The following PTCHD4 variants were observed in gnomAD, a reference collection of about 807,000 sequenced individuals.
PTCHD4 encodes the protein patched domain containing 4, also known as patched domain-containing protein 4.
In PTCHD4, 33 loss-of-function variants were observed where a neutral mutation model predicts 58.1. The ratio of observed to expected loss-of-function variants is 0.57; its 90% CI spans 0.43 to 0.76. The LOEUF is 0.76. Ranked by LOEUF, PTCHD4 falls within the 30% of genes least tolerant of loss-of-function variation. PTCHD4 has a pLI of 0.00. For missense variants in PTCHD4, 1,058 were observed against 1,027.1 expected, an observed-to-expected ratio of 1.03 and a Z score of -0.41; for synonymous variants, 478 against 409.6, an observed-to-expected ratio of 1.17 and a Z score of -2.02.
intron 4 of PTCHD4, among the ~76,000 whole-genome samples, chr6:47,891,382 A>G (rs529237021): frequency 1.3e-5 from 2 of 152,082 alleles, no homozygotes; most frequent in Non-Finnish European, 2.9e-5. Flanking sequence ...ACAGCATCAG[A>G]CAAGGCCATT....
rs572193543 is a variant in PTCHD4 at position 47,893,020 on chromosome 6, TA to T, written c.899-13085del. ...TGATTAACTTTATTAGAGATCTTTT[TA>T]TTTTTTTTGAGATGGACTCTCGCTC... On this transcript the variant is annotated intron_variant, in intron 4 of 4. Transcript: ENST00000339488. Among the ~76,000 whole-genome samples the T allele has an allele frequency of 9.1e-4, 138 of 152,358 alleles. 2 individuals carry two copies. The highest frequency in any genetic ancestry group is 6.8e-3 in the Middle Eastern group (2 of 294).
chr6:47,995,145 T>C (rs1157199502), intron 4 of PTCHD4, among the ~76,000 whole-genome samples: 2 of 152,162 alleles, frequency 1.3e-5, no homozygotes, highest in Admixed American at 6.5e-5. Flanking sequence ...AAAGAATGTG[T>C]GGTAGTCCCA....
rs944870771 is a variant in PTCHD4, at chr6:47,873,846, C to CT, written c.*4456dup. ...TTTGGTAATTGAGAAAAAGCTAAAA[C>CT]TTTTTTTGTTTGTTTTTTGTTTGTA... On this transcript the variant is annotated 3_prime_UTR_variant, in exon 5 of 5. Coordinates refer to ENST00000339488, the MANE Select transcript of PTCHD4 (RefSeq NM_001384253.1). Among the ~76,000 whole-genome samples, 6 of 151,738 alleles carry CT rather than the reference C, an allele frequency of 4.0e-5. No individual in the cohort carries two copies. The highest frequency in any genetic ancestry group is 7.4e-5 in the Non-Finnish European group (5 of 67,746).
At chr6:47,960,963 A>T (rs12216453) in intron 4 of PTCHD4, among the ~76,000 whole-genome samples, 6,146 of 130,680 alleles carry the variant, frequency 0.047, 113 homozygotes, top group African/African-American at 0.072. Context: ...TTTTTTTTTT[A>T]AAAAAAAAAA....
rs1763669332 is a variant in PTCHD4, at chr6:47,869,829, G to A, written c.*8474C>T. On this transcript the variant is annotated 3_prime_UTR_variant, in exon 5 of 5. Coordinates refer to ENST00000339488, the MANE Select transcript of PTCHD4 (RefSeq NM_001384253.1). ...GTGATGTTATAAGATGTTTTGTTTA[G>A]GAAGTTTAATTCTTAGCCTAGAATT... Among the ~76,000 whole-genome samples the A allele has an allele frequency of 6.6e-6, 1 of 151,616 alleles. No homozygotes were observed. Among genetic ancestry groups the A allele is most frequent in the Non-Finnish European group, 1.5e-5 (1 of 67,760 alleles).
At chr6:47,991,857 T>C (rs1283050982) in intron 4 of PTCHD4, among the ~76,000 whole-genome samples, 3 of 152,044 alleles carry the variant, frequency 2.0e-5, no homozygotes, top group African/African-American at 7.2e-5. Context: ...AAATGAGTGA[T>C]GAATTATATT....
chr6:48,040,050 G>A (rs896122043), intron 3 of PTCHD4, among the ~76,000 whole-genome samples: 1 of 152,034 alleles, frequency 6.6e-6, no homozygotes, highest in African/African-American at 2.4e-5. Context: ...CCGATTAGTG[G>A]ATGTCACTTT....
At chr6:47,928,462 G>T (rs911281527) in intron 4 of PTCHD4, among the ~76,000 whole-genome samples, 16 of 152,164 alleles carry the variant, frequency 1.1e-4, no homozygotes, top group Non-Finnish European at 2.2e-4. Flanking sequence ...GAAATAAAAT[G>T]ACTGAAGTTA....
intron 4 of PTCHD4, among the ~76,000 whole-genome samples, chr6:48,000,615 G>T (rs2114060048): frequency 6.6e-6 from 1 of 152,250 alleles, no homozygotes; most frequent in African/African-American, 2.4e-5. Context: ...GTTCTCAGCT[G>T]ATGACTGGCT....
chr6:48,040,403 A>G lies in PTCHD4; in HGVS notation c.417+27827T>C, dbSNP rs1475901992. 2.6e-5 allele frequency among the ~76,000 whole-genome samples: 4 copies of G among 151,872 alleles called. No individual in the cohort carries two copies. In the East Asian group the frequency reaches 5.8e-4, roughly 22 times the overall value. On this transcript the variant is annotated intron_variant, in intron 3 of 4. Transcript: ENST00000339488. ...GCATAGTCACCATGGTCCAGAGGCA[A>G]TTTCCTCCCTCCCTCAGTGAAACAC...
chr6:47,878,966 C>T lies in PTCHD4; in HGVS notation c.1869G>A (p.Leu623=). The T allele has an allele frequency of 6.2e-7, 1 of 1,613,006 alleles. No individual in the cohort carries two copies. The highest frequency in any genetic ancestry group is 8.5e-7 in the Non-Finnish European group (1 of 1,179,772). The change falls in exon 5 of 5, where the codon TTG becomes TTA. Residue 623 remains leucine (L), a synonymous_variant. Coordinates refer to ENST00000339488, the MANE Select transcript of PTCHD4 (RefSeq NM_001384253.1). Reference sequence around the variant, plus strand: ...AGAGGGATAGGGGCCTCAGCTTTTCCAACACTTCTGTGATTTCTTTCTGCT... The same window carrying T: ...AGAGGGATAGGGGCCTCAGCTTTTCTAACACTTCTGTGATTTCTTTCTGCT... ...RDKQKEITEV[L]EKLRPLSLSK... is the part of the protein sequence containing the mutation.
At position 48,009,226 on chromosome 6, in the gene PTCHD4, G is replaced by C. The variant is rs759592968; in HGVS notation, c.418-112C>G. The C allele has an allele frequency of 3.3e-5, 38 of 1,157,850 alleles. No homozygotes were observed. The Middle Eastern group carries it at 9.9e-4, about 30-fold the overall frequency. 71.7% of individuals were successfully genotyped at this position (1,157,850 alleles called of 1,614,324 possible). ...GGCAGAGATAGGTGCTAGTAATTGTGAAACTGATGTGGGTGGAGAGGCAAG... is the reference window on the plus strand; with the variant it reads ...GGCAGAGATAGGTGCTAGTAATTGTCAAACTGATGTGGGTGGAGAGGCAAG... On this transcript the variant is annotated intron_variant, in intron 3 of 4. Transcript: ENST00000339488.
chr6:48,021,323 A>G (rs997942115), intron 3 of PTCHD4, among the ~76,000 whole-genome samples: 9 of 152,108 alleles, frequency 5.9e-5, no homozygotes, highest in Non-Finnish European at 1.2e-4. Context: ...GCTAACACAC[A>G]CTTAACTCCT....
chr6:48,055,857 G>T (rs1480085118), intron 3 of PTCHD4, among the ~76,000 whole-genome samples: 2 of 152,124 alleles, frequency 1.3e-5, no homozygotes, highest in Non-Finnish European at 2.9e-5. Flanking sequence ...CCAGGTCTTT[G>T]CCCTGTAGAT....
intron 4 of PTCHD4, among the ~76,000 whole-genome samples, chr6:47,927,494 G>T (rs1324712454): frequency 6.6e-6 from 1 of 152,046 alleles, no homozygotes; most frequent in Non-Finnish European, 1.5e-5. Context: ...ATGAAGAATG[G>T]GACAAAACAA....
chr6:47,925,950 G>A (rs1561960676), intron 4 of PTCHD4, among the ~76,000 whole-genome samples: 1 of 152,158 alleles, frequency 6.6e-6, no homozygotes, highest in Non-Finnish European at 1.5e-5. Flanking sequence ...GGCTGAGGCT[G>A]GGGGTTGGCA....
chr6:48,092,089 G>C (rs2113903342), intron 1 of PTCHD4, among the ~76,000 whole-genome samples: 1 of 152,146 alleles, frequency 6.6e-6, no homozygotes, highest in African/African-American at 2.4e-5. Context: ...TCATACATCT[G>C]TCTTCTGTCC....
intron 4 of PTCHD4, among the ~76,000 whole-genome samples, chr6:47,919,273 T>C (rs1474868224): frequency 6.6e-6 from 1 of 152,164 alleles, no homozygotes; most frequent in South Asian, 2.1e-4. Flanking sequence ...TAATGATGAA[T>C]TTGATGGAAA....
At chr6:47,909,362 T>C (rs893776181) in intron 4 of PTCHD4, among the ~76,000 whole-genome samples, 1 of 152,014 alleles carries the variant, frequency 6.6e-6, no homozygotes, top group South Asian at 2.1e-4. Context: ...AATGGGGAAA[T>C]TGAAAGGTTT....
Sources: allele counts gnomAD v4.1 joint callset (sites outside exome capture counted in the v4.1 genomes callset), GRCh38; gene constraint gnomAD v4.1.1; transcripts MANE v1.5; gene names NCBI Gene and HGNC (gene_info 2026-07-23, HGNC 2026-07-21).